PCSK2: variants seen among roughly 807,000 people sequenced by gnomAD.
PCSK2 encodes the protein neuroendocrine convertase 2.
In PCSK2, 14 loss-of-function variants were observed where a neutral mutation model predicts 69.7. That is an observed-to-expected ratio of 0.20 (90% confidence interval 0.13 to 0.31). The LOEUF (loss-of-function observed/expected upper bound fraction) is 0.31. Ranked by LOEUF, PCSK2 falls within the 10% of genes least tolerant of loss-of-function variation. The probability of loss-of-function intolerance (pLI) is 1.00; values close to 1 mark genes in which losing one functional copy is unlikely to be tolerated. For synonymous variants in PCSK2, 307 were observed against 320.7 expected (o/e 0.96, Z 0.46); for missense variants, 544 against 842.5 (o/e 0.65, Z 4.39).
At chr20:17,451,950 G>C (rs905149787) in intron 8 of PCSK2, among the ~76,000 whole-genome samples, 1 of 125,900 alleles carries the variant, frequency 7.9e-6, no homozygotes, top group Non-Finnish European at 1.6e-5. Flanking sequence ...ATGGGGTCTC[G>C]TTCTGTCACC....
chr20:17,274,436 G>A (rs1199956747), intron 2 of PCSK2, among the ~76,000 whole-genome samples: 4 of 152,192 alleles, frequency 2.6e-5, no homozygotes, highest in African/African-American at 9.6e-5. Context: ...AGAACGTGGT[G>A]GGAGTGATAC....
chr20:17,450,017 C>CTTTTTTT lies in PCSK2; in HGVS notation c.886-3701_886-3695dup, dbSNP rs61156656. Among the ~76,000 whole-genome samples, 40 of 61,830 alleles carry CTTTTTTT rather than the reference C, an allele frequency of 6.5e-4. 5 individuals are homozygous for CTTTTTTT. Among genetic ancestry groups the CTTTTTTT allele is most frequent in the Non-Finnish European group, 9.4e-4 (33 of 34,970 alleles). 40.6% of individuals were successfully genotyped at this position (61,830 alleles called of 152,430 possible). On this transcript the variant is annotated intron_variant, in intron 8 of 11. Transcript: ENST00000262545. ...TTTTTAAGTTTGTTGAATTTCTTCC[C>CTTTTTTT]TTTTTTTTTTTTTTTTTTTTTTTTT...
chr20:17,404,524 T>A (rs1213017210), intron 5 of PCSK2, among the ~76,000 whole-genome samples: 1 of 152,180 alleles, frequency 6.6e-6, no homozygotes, highest in Non-Finnish European at 1.5e-5. Context: ...TCAGCCTCCA[T>A]CATTACCTGG....
intron 2 of PCSK2, among the ~76,000 whole-genome samples, chr20:17,298,087 C>A (rs955356091): frequency 2.0e-5 from 3 of 151,976 alleles, no homozygotes; most frequent in Admixed American, 2.0e-4. Flanking sequence ...TTTTATTCTT[C>A]TCATGGTTGT....
intron 2 of PCSK2, among the ~76,000 whole-genome samples, chr20:17,293,537 C>A (rs1988767624): frequency 6.6e-6 from 1 of 152,162 alleles, no homozygotes; most frequent in Non-Finnish European, 1.5e-5. Context: ...GAAATTTTAT[C>A]AACTATATCA....
chr20:17,448,559 A>C (rs35761565), intron 8 of PCSK2, among the ~76,000 whole-genome samples: 89,879 of 151,936 alleles, frequency 0.59, 26,775 homozygotes, highest in South Asian at 0.7. Context: ...CAGCCTGGGC[A>C]TATGGACATT....
chr20:17,262,244 T>A (rs1456906061), intron 2 of PCSK2, among the ~76,000 whole-genome samples: 3 of 152,218 alleles, frequency 2.0e-5, no homozygotes, highest in African/African-American at 7.2e-5. Context: ...CTTCATTATC[T>A]ATTATAAGGA....
intron 2 of PCSK2, among the ~76,000 whole-genome samples, chr20:17,336,388 C>A (rs1045527691): frequency 5.3e-5 from 8 of 152,166 alleles, no homozygotes; most frequent in Non-Finnish European, 1.2e-4. Context: ...TAACCAAATA[C>A]CTTCTCTGGG....
chr20:17,409,130 G>A (rs2031816118), intron 5 of PCSK2, 133 bp from the exon 6 acceptor site: 2 of 671,324 alleles, frequency 3.0e-6, no homozygotes, highest in Admixed American at 2.4e-5. Context: ...ACACAATTTT[G>A]TGAGGTTTGG....
At chr20:17,478,674 T>C (rs143541945) in intron 11 of PCSK2, among the ~76,000 whole-genome samples, 1 of 152,222 alleles carries the variant, frequency 6.6e-6, no homozygotes, top group South Asian at 2.1e-4. Context: ...TAGCTAATTC[T>C]CATCATTTTC....
chr20:17,234,173 CACAACA>C (rs1252471048), intron 1 of PCSK2, among the ~76,000 whole-genome samples: 9 of 152,200 alleles, frequency 5.9e-5, no homozygotes, highest in African/African-American at 2.2e-4. Context: ...CGAGCCAGAT[CACAACA>C]AAAATTGTTC....
At chr20:17,316,155 C>T (rs963477676) in intron 2 of PCSK2, among the ~76,000 whole-genome samples, 3 of 152,186 alleles carry the variant, frequency 2.0e-5, no homozygotes, top group Non-Finnish European at 2.9e-5. Context: ...GCACTGGGCA[C>T]CTGGTGTGGG....
intron 2 of PCSK2, among the ~76,000 whole-genome samples, chr20:17,273,523 C>G (rs939640822): frequency 6.6e-6 from 1 of 152,144 alleles, no homozygotes; most frequent in African/African-American, 2.4e-5. Flanking sequence ...TTTGCCAAAG[C>G]AGAAAAGGTG....
At chr20:17,378,339 G>T (rs2030987952) in intron 5 of PCSK2, among the ~76,000 whole-genome samples, 1 of 152,146 alleles carries the variant, frequency 6.6e-6, no homozygotes, top group South Asian at 2.1e-4. Flanking sequence ...TGGGTAATTG[G>T]ATTTCATCTG....
intron 6 of PCSK2, among the ~76,000 whole-genome samples, chr20:17,417,343 TC>T (rs2032022478): frequency 6.6e-6 from 1 of 152,104 alleles, no homozygotes; most frequent in Non-Finnish European, 1.5e-5. Context: ...CGGTAAGAAT[TC>T]CCAAGTGTCC....
At position 17,318,832 on chromosome 20, in the gene PCSK2, A is replaced by C. The variant is rs944073123; in HGVS notation, c.283-39495A>C. ...TCTTCAGGGAGATAGAGAGAAATAC[A>C]TCTGCCACTTTAGACAAGAAGCCCA... On this transcript the variant is annotated intron_variant, in intron 2 of 11. Transcript: ENST00000262545. Among the ~76,000 whole-genome samples, 129 of 152,362 alleles carry C rather than the reference A, an allele frequency of 8.5e-4. 1 individual carries two copies. Among genetic ancestry groups the C allele is most frequent in the African/African-American group, 3.0e-3 (125 of 41,584 alleles).
intron 5 of PCSK2, among the ~76,000 whole-genome samples, chr20:17,396,480 C>T (rs761416934): frequency 2.6e-5 from 4 of 152,188 alleles, no homozygotes; most frequent in Admixed American, 1.3e-4. Flanking sequence ...CTTAAACCCA[C>T]GTCTTTTCTA....
chr20:17,425,644 T>C (rs1166833424), intron 6 of PCSK2, among the ~76,000 whole-genome samples: 1 of 152,166 alleles, frequency 6.6e-6, no homozygotes, highest in Non-Finnish European at 1.5e-5. Flanking sequence ...CCTGAAATAT[T>C]AGTGGCTTAG....
intron 6 of PCSK2, among the ~76,000 whole-genome samples, chr20:17,416,815 A>T (rs2032009844): frequency 6.6e-6 from 1 of 152,244 alleles, no homozygotes; most frequent in Non-Finnish European, 1.5e-5. Flanking sequence ...AATGTGGCAC[A>T]TATACATCAC....
Sources: allele counts gnomAD v4.1 joint callset (sites outside exome capture counted in the v4.1 genomes callset), GRCh38; gene constraint gnomAD v4.1.1; transcripts MANE v1.5; gene names NCBI Gene and HGNC (gene_info 2026-07-23, HGNC 2026-07-21).